The following ATP6V1H variants were observed in gnomAD, a reference collection of about 807,000 sequenced individuals.
ATP6V1H encodes the protein V-type proton ATPase subunit H.
Under a neutral mutation model 71.7 loss-of-function variants are expected in ATP6V1H, and 39 were observed. The observed-to-expected ratio is 0.54, with a 90% CI of 0.42 to 0.71. The LOEUF is 0.71. Among genes scored for constraint, ATP6V1H ranks in the 30% least tolerant of loss-of-function variants. The probability of loss-of-function intolerance (pLI) is 0.00; values close to 1 mark genes in which losing one functional copy is unlikely to be tolerated. For synonymous variants in ATP6V1H, 192 were observed against 199.3 expected, an observed-to-expected ratio of 0.96 and a Z score of 0.31; for missense variants, 509 against 594.9, an observed-to-expected ratio of 0.86 and a Z score of 1.50.
In ATP6V1H at chr8:53,829,553, T is replaced by A; in HGVS notation, c.217-20A>T. On this transcript the variant is annotated intron_variant, in intron 3 of 13. Coordinates refer to ENST00000359530, the MANE Select transcript of ATP6V1H (RefSeq NM_015941.4). The stretch of plus-strand genomic sequence containing the variant: ...AGCACACTAAAAAAAAAAATGAAAT[T>A]AAAGTTATTGTTTTTATTTGCAGAC... 6.9e-7 allele frequency: 1 copy of A among 1,448,754 alleles called. No homozygotes were observed. Among genetic ancestry groups the A allele is most frequent in the Non-Finnish European group, 9.5e-7 (1 of 1,057,550 alleles). 89.7% of individuals were successfully genotyped at this position (1,448,754 alleles called of 1,614,324 possible).
chr8:53,794,163 T>G (rs2130408845), intron 9 of ATP6V1H, among the ~76,000 whole-genome samples: 1 of 152,234 alleles, frequency 6.6e-6, no homozygotes. Context: ...TATACAGAAA[T>G]GAAAACATAT....
chr8:53,751,690 GAC>G (rs1233012891), intron 12 of ATP6V1H, among the ~76,000 whole-genome samples: 1 of 147,246 alleles, frequency 6.8e-6, no homozygotes, highest in Non-Finnish European at 1.5e-5. Context: ...TTTTTTTCGA[GAC>G]AGAGTCTCGC....
chr8:53,716,981 T>G (rs1047975260), intron 13 of ATP6V1H, among the ~76,000 whole-genome samples: 1 of 152,230 alleles, frequency 6.6e-6, no homozygotes, highest in Non-Finnish European at 1.5e-5. Flanking sequence ...CTCCATGACC[T>G]CCTGGGTATT....
intron 13 of ATP6V1H, among the ~76,000 whole-genome samples, chr8:53,736,611 T>C (rs546530464): frequency 6.6e-6 from 1 of 152,350 alleles, no homozygotes; most frequent in African/African-American, 2.4e-5. Context: ...ATTACCCTTA[T>C]TCCTTCAAAT....
chr8:53,817,669 T>C (rs1810496143), intron 4 of ATP6V1H, 139 bp from the exon 5 acceptor site: 1 of 559,520 alleles, frequency 1.8e-6, no homozygotes, highest in African/African-American at 1.9e-5. Context: ...TCTGTCATTA[T>C]TACTACGGGG....
rs554994397 is a variant in ATP6V1H at position 53,820,372 on chromosome 8, G to A, written c.307-2842C>T. On this transcript the variant is annotated intron_variant, in intron 4 of 13. Transcript: ENST00000359530. The stretch of plus-strand genomic sequence containing the variant: ...AAAAGGAACAAAAGAGGAAACTTTA[G>A]GGTTCTGCAAGACAAAATGAGACCA... Among the ~76,000 whole-genome samples, 8 of 151,812 alleles carry A rather than the reference G, an allele frequency of 5.3e-5. No homozygotes were observed. The South Asian group carries it at 1.7e-3, about 32-fold the overall frequency.
chr8:53,816,017 A>T (rs1222889033), intron 5 of ATP6V1H, among the ~76,000 whole-genome samples: 1 of 152,230 alleles, frequency 6.6e-6, no homozygotes, highest in Non-Finnish European at 1.5e-5. Context: ...CATTAGGAGG[A>T]CATTTAAACC....
intron 12 of ATP6V1H, among the ~76,000 whole-genome samples, chr8:53,753,758 T>G (rs1390019139): frequency 6.6e-6 from 1 of 152,254 alleles, no homozygotes; most frequent in African/African-American, 2.4e-5. Flanking sequence ...TATCTAAAGA[T>G]CTTTAATTTT....
chr8:53,746,680 T>C (rs1436960979), intron 12 of ATP6V1H, among the ~76,000 whole-genome samples: 2 of 152,200 alleles, frequency 1.3e-5, no homozygotes, highest in South Asian at 2.1e-4. Flanking sequence ...CACAGTGCTA[T>C]TGAAATAAAC....
At chr8:53,802,111 C>T (rs1809928646) in intron 7 of ATP6V1H, among the ~76,000 whole-genome samples, 1 of 152,196 alleles carries the variant, frequency 6.6e-6, no homozygotes, top group Non-Finnish European at 1.5e-5. Flanking sequence ...TAAATCTACA[C>T]AAGTCAAGAC....
intron 9 of ATP6V1H, among the ~76,000 whole-genome samples, chr8:53,789,850 AC>A (rs1159883296): frequency 6.6e-6 from 1 of 152,202 alleles, no homozygotes; most frequent in African/African-American, 2.4e-5. Context: ...AGTACTATTC[AC>A]TTCCACATTA....
intron 4 of ATP6V1H, among the ~76,000 whole-genome samples, chr8:53,826,951 CAA>C (rs112178508): frequency 1.7e-5 from 2 of 116,878 alleles, no homozygotes. Context: ...AATTCTGTCT[CAA>C]AAAAAAAAAA....
chr8:53,809,323 C>G (rs988283239), intron 7 of ATP6V1H, among the ~76,000 whole-genome samples: 1 of 152,130 alleles, frequency 6.6e-6, no homozygotes, highest in Non-Finnish European at 1.5e-5. Context: ...TAAGATTCCC[C>G]TATGGAAATA....
chr8:53,756,645 T>C lies in ATP6V1H; in HGVS notation c.1187A>G (p.Lys396Arg). The change falls in exon 12 of 14, where the codon AAA (lysine) becomes AGA (arginine). Residue 396 changes from lysine to arginine, a missense_variant. Lys to Arg is a conservative substitution (Grantham distance 26). Transcript: ENST00000359530. The stretch of plus-strand genomic sequence containing the variant: ...GGGATCATCTGACACTTCCAAAAGT[T>C]TTGTCAAGATTCTGAAATAAATTTT... ...KNYELLKILT[K>R]LLEVSDDPQV... The C allele has an allele frequency of 6.2e-7, 1 of 1,613,310 alleles. No individual in the cohort carries two copies. Among genetic ancestry groups the C allele is most frequent in the Non-Finnish European group, 8.5e-7 (1 of 1,179,390 alleles).
At chr8:53,795,907 C>A (rs1434788038) in intron 8 of ATP6V1H, 68 bp from the exon 9 acceptor site, 5 of 1,417,454 alleles carry the variant, frequency 3.5e-6, no homozygotes, top group Non-Finnish European at 4.8e-6. Flanking sequence ...AGCAATTATT[C>A]TCTTTTTGCA....
chr8:53,766,537 T>G (rs1934922214), intron 11 of ATP6V1H, among the ~76,000 whole-genome samples: 1 of 152,242 alleles, frequency 6.6e-6, no homozygotes, highest in Admixed American at 6.5e-5. Context: ...CTCTGACCAC[T>G]GGTGAGCAGG....
intron 12 of ATP6V1H, among the ~76,000 whole-genome samples, chr8:53,755,149 T>C (rs188162982): frequency 1.3e-5 from 2 of 152,268 alleles, no homozygotes; most frequent in African/African-American, 4.8e-5. Context: ...ATCTCTCTGT[T>C]TTCCTTTGAG....
intron 12 of ATP6V1H, among the ~76,000 whole-genome samples, chr8:53,755,993 G>A (rs1366562242): frequency 1.4e-5 from 2 of 142,888 alleles, no homozygotes; most frequent in Non-Finnish European, 3.0e-5. Flanking sequence ...TCCTGACCTT[G>A]TGATCCGCCC....
chr8:53,758,630 T>TA (rs1808155522), intron 11 of ATP6V1H, among the ~76,000 whole-genome samples: 1 of 152,252 alleles, frequency 6.6e-6, no homozygotes. Flanking sequence ...AAGTTGAATC[T>TA]ATGCTCCCAG....
Sources: gnomAD v4.1 joint callset for allele counts (sites outside exome capture counted in the v4.1 genomes callset) on GRCh38, gnomAD v4.1.1 for gene constraint, MANE v1.5 for transcripts, NCBI Gene and HGNC (gene_info 2026-07-23, HGNC 2026-07-21) for gene names.